NPEPPS: variants seen among roughly 807,000 people sequenced by gnomAD.
The protein encoded by NPEPPS is puromycin-sensitive aminopeptidase.
In NPEPPS, 14 loss-of-function variants were observed where a neutral mutation model predicts 115.5. The ratio of observed to expected loss-of-function variants is 0.12; its 90% CI spans 0.08 to 0.19. The LOEUF (loss-of-function observed/expected upper bound fraction) is 0.19, where lower values mean the gene tolerates loss of function less well. Among genes scored for constraint, NPEPPS ranks in the 10% least tolerant of loss-of-function variants. The probability of loss-of-function intolerance (pLI) is 1.00; values close to 1 mark genes in which losing one functional copy is unlikely to be tolerated. For missense variants in NPEPPS, 523 were observed against 1,110.8 expected, an observed-to-expected ratio of 0.47 and a Z score of 7.52; for synonymous variants, 285 against 390.6, an observed-to-expected ratio of 0.73 and a Z score of 3.19.
chr17:47,556,399 G>T (rs1343818913), intron 2 of NPEPPS, among the ~76,000 whole-genome samples: 4 of 152,084 alleles, frequency 2.6e-5, no homozygotes, highest in Admixed American at 6.6e-5. Flanking sequence ...CGGGTTGGGG[G>T]TAAGGTCATA....
At chr17:47,543,972 G>A (rs1908990010) in intron 1 of NPEPPS, among the ~76,000 whole-genome samples, 1 of 152,002 alleles carries the variant, frequency 6.6e-6, no homozygotes, top group South Asian at 2.1e-4. Context: ...TCCGCTCACT[G>A]CAAGCTCCGC....
At position 47,535,531 on chromosome 17, in the gene NPEPPS, C is replaced by G. The variant is rs370092628; in HGVS notation, c.255+3976C>G. ...GCGCCACGCACTCCAGCCTGGGTGA[C>G]AGAGCGAGGCTCCGTCTCAAAAAAA... On this transcript the variant is annotated intron_variant, in intron 1 of 22. Coordinates refer to ENST00000322157, the MANE Select transcript of NPEPPS (RefSeq NM_006310.4). 8.3e-5 allele frequency among the ~76,000 whole-genome samples: 11 copies of G among 132,568 alleles called. No individual in the cohort carries two copies. The Admixed American group carries it at 8.7e-4, about 10-fold the overall frequency. 87.0% of individuals were successfully genotyped at this position (132,568 alleles called of 152,430 possible). A position where few individuals can be genotyped will look rare whatever the true frequency, so the allele number is the denominator to read the frequency against.
intron 12 of NPEPPS, chr17:47,595,981 CAAAAAAAAAAAAA>C (rs34457526): frequency 2.6e-5 from 1 of 38,596 alleles, no homozygotes; most frequent in Admixed American, 3.0e-4. Flanking sequence ...GACTCCATCT[CAAAAAAAAAAAAA>C]AAAAAAAAAA....
At chr17:47,574,615 C>T (rs1041083514) in intron 3 of NPEPPS, among the ~76,000 whole-genome samples, 2 of 151,950 alleles carry the variant, frequency 1.3e-5, no homozygotes, top group African/African-American at 4.8e-5. Flanking sequence ...TGTTTTGTGA[C>T]AAAGTCTCTC....
intron 2 of NPEPPS, among the ~76,000 whole-genome samples, chr17:47,556,617 C>T (rs1317151461): frequency 1.3e-5 from 2 of 152,134 alleles, no homozygotes; most frequent in Non-Finnish European, 2.9e-5. Flanking sequence ...GACGGGGTGG[C>T]GGCCGGGCAG....
chr17:47,549,161 G>T (rs1007622163), intron 2 of NPEPPS, among the ~76,000 whole-genome samples: 6 of 151,650 alleles, frequency 4.0e-5, no homozygotes, highest in Admixed American at 6.6e-5. Flanking sequence ...TAGCGAAGAT[G>T]GTGAAACCCC....
intron 1 of NPEPPS, among the ~76,000 whole-genome samples, chr17:47,539,701 T>G (rs1908613404): frequency 5.3e-5 from 8 of 152,200 alleles, no homozygotes; most frequent in Admixed American, 5.2e-4. Flanking sequence ...CATACCAATA[T>G]TCTGTGCCTT....
chr17:47,541,082 C>T (rs897849688), intron 1 of NPEPPS, among the ~76,000 whole-genome samples: 9 of 152,092 alleles, frequency 5.9e-5, no homozygotes, highest in African/African-American at 2.2e-4. Flanking sequence ...TGCATGGTGC[C>T]TTTCCAAAAT....
intron 1 of NPEPPS, among the ~76,000 whole-genome samples, chr17:47,536,629 T>C (rs7219173): frequency 0.51 from 76,346 of 149,846 alleles, 19,962 homozygotes; most frequent in East Asian, 0.66. Context: ...TCCCGACCTC[T>C]GGTGATCCAC....
At position 47,599,846 on chromosome 17, in the gene NPEPPS, C is replaced by A. The variant is rs949786717; in HGVS notation, c.1600+107C>A. On this transcript the variant is annotated intron_variant, in intron 14 of 22. Transcript: ENST00000322157. ...TTTTTCTTTTTTTTTTTTGAGGAGTCTCACTCTGTCGCCCAGGCTCGAGTG... is the reference window on the plus strand; with the variant it reads ...TTTTTCTTTTTTTTTTTTGAGGAGTATCACTCTGTCGCCCAGGCTCGAGTG... 4 of 889,426 alleles carry A rather than the reference C, an allele frequency of 4.5e-6. No homozygotes were observed. In the East Asian group the frequency reaches 8.2e-5, roughly 18 times the overall value. The allele number at this position is 889,426 out of a possible 1,614,324, so 55.1% of individuals were successfully genotyped here. A position where few individuals can be genotyped will look rare whatever the true frequency, so the allele number is the denominator to read the frequency against.
At chr17:47,584,968 C>G (rs1375937596) in intron 5 of NPEPPS, among the ~76,000 whole-genome samples, 1 of 152,132 alleles carries the variant, frequency 6.6e-6, no homozygotes, top group Non-Finnish European at 1.5e-5. Flanking sequence ...GCTGGGATTA[C>G]AGGCACCCCC....
chr17:47,535,825 G>A (rs1180949210), intron 1 of NPEPPS, among the ~76,000 whole-genome samples: 1 of 146,592 alleles, frequency 6.8e-6, no homozygotes, highest in Non-Finnish European at 1.5e-5. Context: ...TACAATAATT[G>A]GGTATTCTTT....
intron 4 of NPEPPS, 65 bp from the exon 5 acceptor site, chr17:47,582,677 C>G: frequency 1.1e-6 from 1 of 910,776 alleles, no homozygotes; most frequent in Non-Finnish European, 1.8e-6. Context: ...GAAATGGTGA[C>G]TGCTTTATGA....
intron 22 of NPEPPS, among the ~76,000 whole-genome samples, chr17:47,621,310 TAA>T (rs1914558625): frequency 6.6e-6 from 1 of 152,210 alleles, no homozygotes. Context: ...GTTGAATCCT[TAA>T]GTACTCTGTG....
chr17:47,529,735 CATTATA>C (rs1409933323), upstream of NPEPPS, among the ~76,000 whole-genome samples: 379 of 19,010 alleles, frequency 0.02, 45 homozygotes, highest in African/African-American at 0.045. Context: ...ATTTCAGTTA[CATTATA>C]TATATATATA....
At chr17:47,602,617 G>A (rs555186319) in intron 15 of NPEPPS, among the ~76,000 whole-genome samples, 69 of 142,198 alleles carry the variant, frequency 4.9e-4, no homozygotes, top group Non-Finnish European at 8.4e-4. Context: ...CAGCCTGGGT[G>A]ACAGGGTGAG....
At chr17:47,558,854 G>A (rs1427107438) in intron 2 of NPEPPS, among the ~76,000 whole-genome samples, 1 of 150,414 alleles carries the variant, frequency 6.6e-6, no homozygotes, top group African/African-American at 2.4e-5. Context: ...TTAACATGGT[G>A]AAACCCTGTC....
chr17:47,547,102 T>C (rs1455594128), intron 2 of NPEPPS, among the ~76,000 whole-genome samples: 2 of 152,082 alleles, frequency 1.3e-5, no homozygotes. Context: ...TATGAGACAA[T>C]ATGAAGATTA....
intron 10 of NPEPPS, among the ~76,000 whole-genome samples, chr17:47,591,279 G>A (rs1373221464): frequency 6.6e-6 from 1 of 151,998 alleles, no homozygotes; most frequent in South Asian, 2.1e-4. Context: ...GCTGAGGCAG[G>A]AGAATCACTT....
Sources: gnomAD v4.1 joint callset for allele counts (sites outside exome capture counted in the v4.1 genomes callset) on GRCh38, gnomAD v4.1.1 for gene constraint, MANE v1.5 for transcripts, NCBI Gene and HGNC (gene_info 2026-07-23, HGNC 2026-07-21) for gene names.